HMCN1: variants seen among roughly 807,000 people sequenced by gnomAD.
HMCN1 encodes the protein hemicentin 1, also known as hemicentin-1.
A neutral mutation model predicts 625.9 loss-of-function variants in HMCN1; 321 were observed. That is an observed-to-expected ratio of 0.51 (90% CI 0.47 to 0.56). The LOEUF is 0.56. HMCN1 is among the 20% of genes least tolerant of loss of function. The pLI, the probability that HMCN1 is intolerant of heterozygous loss-of-function variation, is 0.00. For synonymous variants in HMCN1, 2,425 were observed against 2,417.6 expected (o/e 1.00, Z -0.09); for missense variants, 6,588 against 6,887.3 (o/e 0.96, Z 1.54).
At position 185,818,787 on chromosome 1, in the gene HMCN1, G is replaced by C. The variant is rs1659996822; in HGVS notation, c.269-27239G>C. On this transcript the variant is annotated intron_variant, in intron 1 of 106. Transcript: ENST00000271588. ...TCTGTACCTTCAAAAACTTAAGTAT[G>C]GAATGTAAAACTTATCCTAAATAAA... Among the ~76,000 whole-genome samples, 15 of 152,116 alleles carry C rather than the reference G, an allele frequency of 9.9e-5. No individual in the cohort carries two copies. In the South Asian group the frequency reaches 3.1e-3, roughly 32 times the overall value.
intron 21 of HMCN1, 94 bp from the exon 22 acceptor site, chr1:185,990,181 C>T: frequency 9.3e-7 from 1 of 1,073,658 alleles, no homozygotes; most frequent in Admixed American, 1.7e-5. Flanking sequence ...TTATAAATTA[C>T]TTAAGAACAT....
intron 18 of HMCN1, among the ~76,000 whole-genome samples, chr1:185,983,419 C>A (rs1257195065): frequency 6.6e-6 from 1 of 151,602 alleles, no homozygotes; most frequent in Admixed American, 6.6e-5. Context: ...GAGCAAGACT[C>A]CGTCTCAAAA....
At chr1:185,904,727 G>A (rs1666001025) in intron 4 of HMCN1, among the ~76,000 whole-genome samples, 1 of 151,786 alleles carries the variant, frequency 6.6e-6, no homozygotes, top group African/African-American at 2.4e-5. Flanking sequence ...GGAAATAATT[G>A]TAGCTATGTA....
chr1:186,158,700 C>T (rs1296347019), intron 97 of HMCN1, among the ~76,000 whole-genome samples: 1 of 152,146 alleles, frequency 6.6e-6, no homozygotes, highest in Non-Finnish European at 1.5e-5. Flanking sequence ...GGAGTCCTTT[C>T]CCCATTGCTT....
At chr1:185,942,111 C>A (rs1192878459) in intron 11 of HMCN1, among the ~76,000 whole-genome samples, 2 of 150,318 alleles carry the variant, frequency 1.3e-5, no homozygotes, top group African/African-American at 4.9e-5. Flanking sequence ...GAATCACTTA[C>A]ACCCGGGAGG....
At chr1:185,860,460 A>C (rs1478269645) in intron 2 of HMCN1, among the ~76,000 whole-genome samples, 1 of 152,126 alleles carries the variant, frequency 6.6e-6, no homozygotes, top group South Asian at 2.1e-4. Flanking sequence ...GTGTGAGTCA[A>C]AGTGTTTCTT....
At chr1:185,892,473 G>A (rs1286186640) in intron 4 of HMCN1, among the ~76,000 whole-genome samples, 2 of 151,988 alleles carry the variant, frequency 1.3e-5, no homozygotes, top group East Asian at 3.9e-4. Context: ...TGATGGTGAT[G>A]TACAGATGGG....
chr1:186,048,929 T>C, intron 42 of HMCN1, 90 bp downstream of exon 42: 1 of 774,586 alleles, frequency 1.3e-6, no homozygotes, highest in Non-Finnish European at 2.3e-6. Flanking sequence ...CTAAAACTGA[T>C]TATAATAGGT....
chr1:186,078,285 T>A, intron 55 of HMCN1, 65 bp downstream of exon 55: 1 of 1,157,228 alleles, frequency 8.6e-7, no homozygotes, highest in Non-Finnish European at 1.3e-6. Context: ...AACTAATGTT[T>A]GCAGGATGTT....
At chr1:186,152,711 A>G (rs1558263216) in intron 95 of HMCN1, 39 bp from the exon 96 acceptor site, 2 of 1,612,460 alleles carry the variant, frequency 1.2e-6, no homozygotes, top group Middle Eastern at 1.7e-4. Context: ...CAGAAACCAT[A>G]TTTTTTTGCT....
At chr1:186,045,972 T>C (rs1656541076) in intron 41 of HMCN1, 109 bp downstream of exon 41, 1 of 819,222 alleles carries the variant, frequency 1.2e-6, no homozygotes, top group Non-Finnish European at 1.9e-6. Context: ...TAATTTTCTC[T>C]TACAAAATTC....
chr1:185,897,381 A>C (rs1443014160), intron 4 of HMCN1, among the ~76,000 whole-genome samples: 1 of 151,990 alleles, frequency 6.6e-6, no homozygotes, highest in Admixed American at 6.6e-5. Context: ...CTGTTTCTGA[A>C]CTCCTTCAGT....
chr1:185,966,681 A>G (rs1036234978), intron 14 of HMCN1, among the ~76,000 whole-genome samples: 1 of 152,192 alleles, frequency 6.6e-6, no homozygotes, highest in African/African-American at 2.4e-5. Flanking sequence ...TTTGCAAAAT[A>G]CTTTTAAATT....
intron 17 of HMCN1, 52 bp downstream of exon 17, chr1:185,981,125 C>A: frequency 9.4e-7 from 1 of 1,058,368 alleles, no homozygotes; most frequent in Non-Finnish European, 1.5e-6. Flanking sequence ...CATCAGACTT[C>A]TTTTACTATG....
At chr1:186,079,115 AGCTCTCTC>A (rs1659008365) in intron 55 of HMCN1, among the ~76,000 whole-genome samples, 1 of 150,348 alleles carries the variant, frequency 6.7e-6, no homozygotes, top group Non-Finnish European at 1.5e-5. Flanking sequence ...TCTCATCAGC[AGCTCTCTC>A]ATCAGCAGCT....
chr1:186,137,743 C>CA, intron 88 of HMCN1, 59 bp from the exon 89 acceptor site: 1 of 1,613,694 alleles, frequency 6.2e-7, no homozygotes, highest in Non-Finnish European at 8.5e-7. Context: ...TGGATTGCCC[C>CA]AGTGTAAGTA....
intron 1 of HMCN1, 75 bp from the exon 2 acceptor site, chr1:185,845,951 A>C (rs1293037678): frequency 1.1e-6 from 1 of 901,746 alleles, no homozygotes; most frequent in African/African-American, 1.6e-5. Flanking sequence ...AGGTGAAAAG[A>C]CATCTATAAA....
intron 69 of HMCN1, 39 bp from the exon 70 acceptor site, chr1:186,106,845 C>A (rs1660632598): frequency 7.6e-7 from 1 of 1,312,670 alleles, no homozygotes; most frequent in Middle Eastern, 1.8e-4. Flanking sequence ...CAAAAGCTAA[C>A]ATGTTAACAT....
chr1:185,972,941 G>T (rs773573582), intron 15 of HMCN1, among the ~76,000 whole-genome samples: 5 of 152,122 alleles, frequency 3.3e-5, no homozygotes, highest in African/African-American at 1.2e-4. Flanking sequence ...ATATGTAAAT[G>T]CTAAGAACCA....
Sources: gnomAD v4.1 joint callset for allele counts (sites outside exome capture counted in the v4.1 genomes callset) on GRCh38, gnomAD v4.1.1 for gene constraint, MANE v1.5 for transcripts, NCBI Gene and HGNC (gene_info 2026-07-23, HGNC 2026-07-21) for gene names.